The following ZNF503 variants were observed in gnomAD, a reference collection of about 807,000 sequenced individuals.
ZNF503 encodes zinc finger protein 503.
In ZNF503, 15 loss-of-function variants were observed where a neutral mutation model predicts 34.4. That is an observed-to-expected ratio of 0.44 (90% CI 0.29 to 0.67). ZNF503 has a LOEUF of 0.67. Ranked by LOEUF, ZNF503 falls within the 30% of genes least tolerant of loss-of-function variation. The pLI is 0.13. For missense variants in ZNF503, 1,007 were observed against 926.8 expected (o/e 1.09, Z -1.12); for synonymous variants, 580 against 456.8 (o/e 1.27, Z -3.44).
At chr10:75,372,351 G>T in the ZNF503 span, among the ~76,000 whole-genome samples, 2 of 152,232 alleles carry the variant, frequency 1.3e-5, no homozygotes, top group Non-Finnish European at 2.9e-5. Context: ...AAAAAATGAT[G>T]TGGTCCAGAG....
At chr10:75,337,649 C>G in the ZNF503 span, among the ~76,000 whole-genome samples, 8 of 152,106 alleles carry the variant, frequency 5.3e-5, no homozygotes, top group African/African-American at 1.9e-4. Flanking sequence ...ACAGCAGTAC[C>G]TAGATTAGTG....
At chr10:75,342,770 G>A in the ZNF503 span, among the ~76,000 whole-genome samples, 12 of 152,048 alleles carry the variant, frequency 7.9e-5, no homozygotes, top group African/African-American at 2.9e-4. Context: ...TGTTACTTTT[G>A]GTGTTAGACT....
the ZNF503 span, among the ~76,000 whole-genome samples, chr10:75,329,409 CCTTCCTTTCCTT>C: frequency 1.5e-5 from 1 of 65,370 alleles, no homozygotes; most frequent in African/African-American, 5.8e-5. Flanking sequence ...TTCCTTCCTT[CCTTCCTTTCCTT>C]CCTTCCTTCC....
At chr10:75,367,479 C>T in the ZNF503 span, among the ~76,000 whole-genome samples, 1 of 152,278 alleles carries the variant, frequency 6.6e-6, no homozygotes, top group African/African-American at 2.4e-5. Flanking sequence ...CCGGACGGGG[C>T]CATACATCAT....
the ZNF503 span, among the ~76,000 whole-genome samples, chr10:75,374,878 G>A: frequency 1.3e-5 from 2 of 152,186 alleles, no homozygotes; most frequent in Non-Finnish European, 2.9e-5. Context: ...TGGAAAAGGA[G>A]GGATAAAAGT....
the ZNF503 span, among the ~76,000 whole-genome samples, chr10:75,322,237 C>A: frequency 4.0e-5 from 6 of 151,518 alleles, 1 homozygote; most frequent in African/African-American, 1.2e-4. Context: ...GATTCCCCTG[C>A]CTCATCCTCC....
chr10:75,316,647 T>A, the ZNF503 span, among the ~76,000 whole-genome samples: 1 of 152,166 alleles, frequency 6.6e-6, no homozygotes, highest in African/African-American at 2.4e-5. Context: ...AGGCATGTGC[T>A]ACCATACCTA....
chr10:75,314,236 CAAAA>C, the ZNF503 span, among the ~76,000 whole-genome samples: 2 of 89,806 alleles, frequency 2.2e-5, no homozygotes, highest in Non-Finnish European at 4.5e-5. Context: ...GACTCCGTCT[CAAAA>C]AAAAAAAAAA....
the ZNF503 span, among the ~76,000 whole-genome samples, chr10:75,348,803 C>T: frequency 1.3e-5 from 2 of 152,208 alleles, no homozygotes; most frequent in African/African-American, 4.8e-5. Context: ...TGAGCCACCG[C>T]ACCCGGCCGC....
the ZNF503 span, among the ~76,000 whole-genome samples, chr10:75,381,440 T>G: frequency 6.6e-6 from 1 of 152,180 alleles, no homozygotes; most frequent in Admixed American, 6.5e-5. Flanking sequence ...TTGCCCAGGC[T>G]GGTGTCAAGC....
At chr10:75,384,007 C>A in the ZNF503 span, among the ~76,000 whole-genome samples, 2 of 152,162 alleles carry the variant, frequency 1.3e-5, no homozygotes, top group Non-Finnish European at 1.5e-5. Flanking sequence ...GATTAGGAGA[C>A]CTCAGAGGCT....
the ZNF503 span, among the ~76,000 whole-genome samples, chr10:75,324,248 C>T: frequency 5.3e-5 from 8 of 151,558 alleles, no homozygotes; most frequent in Admixed American, 5.3e-4. Flanking sequence ...TTATTTTCTC[C>T]TGTATTTCTT....
the ZNF503 span, among the ~76,000 whole-genome samples, chr10:75,332,020 T>C: frequency 1.3e-5 from 2 of 151,992 alleles, no homozygotes. Context: ...TGGAATATCT[T>C]TTTCTAGCCC....
chr10:75,299,709 C>G, the ZNF503 span, among the ~76,000 whole-genome samples: 1 of 152,222 alleles, frequency 6.6e-6, no homozygotes, highest in South Asian at 2.1e-4. Context: ...AATTTTAAAG[C>G]TGGGCATCTG....
the ZNF503 span, chr10:75,358,927 A>T: frequency 1.3e-5 from 2 of 152,298 alleles, no homozygotes; most frequent in South Asian, 2.1e-4. Flanking sequence ...ACACCCTTCC[A>T]TACCAACCCA....
chr10:75,300,103 C>T, the ZNF503 span, among the ~76,000 whole-genome samples: 1 of 152,214 alleles, frequency 6.6e-6, no homozygotes, highest in Non-Finnish European at 1.5e-5. Flanking sequence ...CCATAGAAGA[C>T]TGGCACACCC....
chr10:75,309,552 C>T, the ZNF503 span, among the ~76,000 whole-genome samples: 8 of 152,056 alleles, frequency 5.3e-5, no homozygotes, highest in Non-Finnish European at 7.3e-5. Flanking sequence ...AGATCATTAA[C>T]ATTTTTTAGC....
chr10:75,363,081 TACACAC>T, the ZNF503 span, among the ~76,000 whole-genome samples: 89 of 148,758 alleles, frequency 6.0e-4, no homozygotes, highest in African/African-American at 2.0e-3. Flanking sequence ...CATGCATGCA[TACACAC>T]ACACACACAC....
At chr10:75,350,408 A>G in the ZNF503 span, 1 of 152,232 alleles carries the variant, frequency 6.6e-6, no homozygotes, top group Non-Finnish European at 1.5e-5. Context: ...ACAGGTGGTC[A>G]CCGTGTGAAA....
Sources: allele counts gnomAD v4.1 joint callset (sites outside exome capture counted in the v4.1 genomes callset), GRCh38; gene constraint gnomAD v4.1.1; transcripts MANE v1.5; gene names NCBI Gene and HGNC (gene_info 2026-07-23, HGNC 2026-07-21).